Variants in SNTG1 observed in about 807,000 individuals in gnomAD.
SNTG1 encodes gamma-1-syntrophin.
In SNTG1, 39 loss-of-function variants were observed where a neutral mutation model predicts 74.7. The observed-to-expected ratio is 0.52, with a 90% CI of 0.40 to 0.68. The LOEUF is 0.68. Among genes scored for constraint, SNTG1 ranks in the 30% least tolerant of loss-of-function variants. The pLI is 0.00. For missense variants in SNTG1, 685 were observed against 609.5 expected, an observed-to-expected ratio of 1.12 and a Z score of -1.30; for synonymous variants, 254 against 217.1, an observed-to-expected ratio of 1.17 and a Z score of -1.49.
At chr8:50,404,895 A>G (rs2092852341) in intron 4 of SNTG1, among the ~76,000 whole-genome samples, 1 of 151,782 alleles carries the variant, frequency 6.6e-6, no homozygotes, top group Non-Finnish European at 1.5e-5. Context: ...TGTAGGTGGA[A>G]TCATACAATA....
chr8:50,012,710 G>A (rs764484842), intron 1 of SNTG1, among the ~76,000 whole-genome samples: 1 of 152,112 alleles, frequency 6.6e-6, no homozygotes, highest in South Asian at 2.1e-4. Context: ...GGTGAGTCTG[G>A]AGACAGAGAC....
intron 11 of SNTG1, among the ~76,000 whole-genome samples, chr8:50,549,263 G>C (rs1157844831): frequency 6.6e-6 from 1 of 152,088 alleles, no homozygotes; most frequent in Non-Finnish European, 1.5e-5. Flanking sequence ...ACACAGGGAA[G>C]AAACAGCTCA....
chr8:50,109,873 T>A (rs1474682643), intron 1 of SNTG1, among the ~76,000 whole-genome samples: 3 of 152,206 alleles, frequency 2.0e-5, no homozygotes, highest in African/African-American at 7.2e-5. Context: ...CTTTTTATAA[T>A]GTTGGATTGT....
chr8:50,643,475 A>G (rs1446520583), intron 13 of SNTG1, among the ~76,000 whole-genome samples: 1 of 152,164 alleles, frequency 6.6e-6, no homozygotes, highest in Admixed American at 6.5e-5. Flanking sequence ...GGGGAAGGAG[A>G]TGGTTTCTAC....
intron 2 of SNTG1, among the ~76,000 whole-genome samples, chr8:50,262,990 CTG>C (rs1172707839): frequency 6.6e-6 from 1 of 152,074 alleles, no homozygotes; most frequent in Non-Finnish European, 1.5e-5. Flanking sequence ...TTAAAATACT[CTG>C]TTTAATATTA....
chr8:50,121,552 C>A (rs2080998360), intron 1 of SNTG1, among the ~76,000 whole-genome samples: 1 of 142,424 alleles, frequency 7.0e-6, no homozygotes, highest in African/African-American at 2.5e-5. Flanking sequence ...ATGATTCACT[C>A]AAATAAGTAT....
chr8:50,704,563 A>G (rs532282385), intron 15 of SNTG1, 37 bp from the exon 16 acceptor site: 1 of 1,613,484 alleles, frequency 6.2e-7, no homozygotes. Flanking sequence ...ATGTGAAGTG[A>G]TGTGTGCCAG....
chr8:50,358,450 A>C (rs868694171), intron 2 of SNTG1, among the ~76,000 whole-genome samples: 5 of 152,188 alleles, frequency 3.3e-5, no homozygotes, highest in African/African-American at 1.2e-4. Context: ...TGGCCTTGAC[A>C]CACTAAAGGA....
chr8:50,290,495 G>A (rs1255748081), intron 2 of SNTG1, among the ~76,000 whole-genome samples: 2 of 152,118 alleles, frequency 1.3e-5, no homozygotes, highest in Non-Finnish European at 2.9e-5. Flanking sequence ...GGTTCCTGGG[G>A]TTTAAGGAAA....
At chr8:50,286,133 C>T (rs2088768844) in intron 2 of SNTG1, among the ~76,000 whole-genome samples, 2 of 151,972 alleles carry the variant, frequency 1.3e-5, no homozygotes, top group African/African-American at 2.4e-5. Context: ...GTTTTCTGTT[C>T]TATCCATTTT....
intron 8 of SNTG1, among the ~76,000 whole-genome samples, chr8:50,474,662 G>A (rs1042190458): frequency 2.0e-5 from 3 of 152,164 alleles, no homozygotes; most frequent in Admixed American, 6.5e-5. Context: ...TGTGGAAGTC[G>A]GTGTGGCAAT....
In SNTG1 at chr8:50,794,084, T is replaced by C. The variant is rs1041277067; in HGVS notation, c.*1255T>C. On this transcript the variant is annotated 3_prime_UTR_variant, in exon 19 of 19. Transcript: ENST00000642720. ...CACAGTCTCTGTCCTTCAGTACAGC[T>C]TTTTTGAGATATTTTAAAAAGTCAG... 1 of 151,750 alleles carries C rather than the reference T, an allele frequency of 6.6e-6. No homozygotes were observed. The highest frequency in any genetic ancestry group is 2.4e-5 in the African/African-American group (1 of 41,362). 9.4% of individuals were successfully genotyped at this position (151,750 alleles called of 1,614,324 possible).
chr8:49,959,003 C>T (rs761837864), intron 1 of SNTG1, among the ~76,000 whole-genome samples: 19 of 152,144 alleles, frequency 1.2e-4, no homozygotes, highest in Non-Finnish European at 2.2e-4. Context: ...AGTTAATGTG[C>T]AAAATATGAT....
At chr8:50,677,386 A>T (rs1428374115) in intron 15 of SNTG1, among the ~76,000 whole-genome samples, 1 of 152,004 alleles carries the variant, frequency 6.6e-6, no homozygotes, top group Admixed American at 6.6e-5. Flanking sequence ...GTAAAATTTT[A>T]TATGGACACC....
At chr8:50,177,709 C>T (rs565100493) in intron 2 of SNTG1, among the ~76,000 whole-genome samples, 12 of 152,302 alleles carry the variant, frequency 7.9e-5, no homozygotes, top group South Asian at 2.1e-4. Context: ...CTTAATTGAA[C>T]GCTTTGACCT....
At chr8:50,305,222 A>G (rs1450081659) in intron 2 of SNTG1, among the ~76,000 whole-genome samples, 1 of 152,170 alleles carries the variant, frequency 6.6e-6, no homozygotes, top group African/African-American at 2.4e-5. Flanking sequence ...TCTTTTTATT[A>G]GTATCTTAAG....
chr8:50,671,196 A>T (rs1370604034), intron 15 of SNTG1, among the ~76,000 whole-genome samples: 1 of 152,056 alleles, frequency 6.6e-6, no homozygotes, highest in Non-Finnish European at 1.5e-5. Context: ...GACAAATGGG[A>T]TCTAATTAAA....
Position 50,169,294 on chromosome 8 carries a change from A to G in SNTG1, c.-102-3267A>G, listed in dbSNP as rs533694397. Among the ~76,000 whole-genome samples, 29 of 152,360 alleles carry G rather than the reference A, an allele frequency of 1.9e-4. No individual in the cohort carries two copies. The South Asian group carries it at 4.3e-3, about 23-fold the overall frequency. On this transcript the variant is annotated intron_variant, in intron 1 of 18. Transcript: ENST00000642720. ...AAAAGACTTTGAATAACTGACATCA[A>G]TAGTGTATTTTTAAAACTCACATGT...
chr8:49,992,110 T>C (rs939996453), intron 1 of SNTG1, among the ~76,000 whole-genome samples: 5 of 152,226 alleles, frequency 3.3e-5, no homozygotes, highest in African/African-American at 4.8e-5. Context: ...TGGAAACTTA[T>C]ACATATCTGA....
Sources: gnomAD v4.1 joint callset for allele counts (sites outside exome capture counted in the v4.1 genomes callset) on GRCh38, gnomAD v4.1.1 for gene constraint, MANE v1.5 for transcripts, NCBI Gene and HGNC (gene_info 2026-07-23, HGNC 2026-07-21) for gene names.